Variants in RASD2 observed in about 807,000 individuals in gnomAD.
RASD2 encodes RASD family member 2.
RASD2 carries 7 observed loss-of-function variants against 15.8 expected under a neutral mutation model. The ratio of observed to expected loss-of-function variants is 0.44; its 90% confidence interval spans 0.25 to 0.83. The LOEUF (loss-of-function observed/expected upper bound fraction) is 0.83, where lower values mean the gene tolerates loss of function less well. RASD2 is among the 40% of genes least tolerant of loss of function. RASD2 has a pLI of 0.20. For synonymous variants in RASD2, 155 were observed against 153.6 expected (o/e 1.01, Z -0.07); for missense variants, 274 against 382.8 (o/e 0.72, Z 2.37).
chr22:35,545,010 C>T (rs1388724454), intron 1 of RASD2, among the ~76,000 whole-genome samples: 4 of 152,214 alleles, frequency 2.6e-5, no homozygotes, highest in South Asian at 2.1e-4. Flanking sequence ...CTTGTGGCTC[C>T]AGGCCTGGGG....
At chr22:35,533,896 C>T in the RASD2 span, among the ~76,000 whole-genome samples, 18 of 117,834 alleles carry the variant, frequency 1.5e-4, no homozygotes, top group East Asian at 2.8e-4. Flanking sequence ...ATGGTGATGA[C>T]GGGGATGATG....
In RASD2 at chr22:35,551,397, C is replaced by A; in HGVS notation, c.272-106C>A. The stretch of plus-strand genomic sequence containing the variant: ...AAGCAGTTATGCCGCATAACTGCTT[C>A]AGGGCACCTGTGACTCCCAGCTCTT... On this transcript the variant is annotated intron_variant, in intron 2 of 2. Transcript: ENST00000216127. The surrounding 1 kb of genome is among the most constrained non-coding windows in gnomAD (Gnocchi z 4.9). 1 of 1,174,024 alleles carries A rather than the reference C, an allele frequency of 8.5e-7. No homozygotes were observed. The highest frequency in any genetic ancestry group is 1.2e-6 in the Non-Finnish European group (1 of 819,256). The allele number at this position is 1,174,024 out of a possible 1,614,324, so 72.7% of individuals were successfully genotyped here. A position where few individuals can be genotyped will look rare whatever the true frequency, so the allele number is the denominator to read the frequency against.
chr22:35,533,078 C>T, the RASD2 span, among the ~76,000 whole-genome samples: 42 of 152,206 alleles, frequency 2.8e-4, no homozygotes, highest in Non-Finnish European at 2.5e-4. Flanking sequence ...CATATGGTTG[C>T]TCAGAAAGCC....
rs1309164572 is a variant in RASD2, at chr22:35,551,890, G to T, written c.659G>T (p.Arg220Leu). ...TTCCACCCCAGGCCCTTCTGCATGCGCCGCGTCAAGGAGATGGACGCCTAT... is the reference window on the plus strand; with the variant it reads ...TTCCACCCCAGGCCCTTCTGCATGCTCCGCGTCAAGGAGATGGACGCCTAT... ...DAFHPRPFCM[R>L]RVKEMDAYGM... The change falls in exon 3 of 3, where the codon CGC (arginine) becomes CTC (leucine). Residue 220 changes from arginine to leucine, a missense_variant. Coordinates refer to ENST00000216127, the MANE Select transcript of RASD2 (RefSeq NM_014310.4). This position sits in a 1 kb window ranked among gnomAD's most constrained non-coding sequence, Gnocchi z 4.9. 3 of 1,613,214 alleles carry T rather than the reference G, an allele frequency of 1.9e-6. No homozygotes were observed. Among genetic ancestry groups the T allele is most frequent in the African/African-American group, 2.7e-5 (2 of 74,894 alleles).
the RASD2 span, among the ~76,000 whole-genome samples, chr22:35,533,162 T>C: frequency 6.6e-6 from 1 of 152,140 alleles, no homozygotes; most frequent in Non-Finnish European, 1.5e-5. Flanking sequence ...AGGAGAGCAG[T>C]TGGTAAATGT....
At chr22:35,543,308 C>G (rs755610060) in intron 1 of RASD2, among the ~76,000 whole-genome samples, 1 of 152,154 alleles carries the variant, frequency 6.6e-6, no homozygotes, top group Non-Finnish European at 1.5e-5. Flanking sequence ...ATACCTGTGC[C>G]GCTAGGGGGT....
At chr22:35,550,280 A>G (rs1244174298) in intron 2 of RASD2, among the ~76,000 whole-genome samples, 3 of 151,370 alleles carry the variant, frequency 2.0e-5, no homozygotes, top group African/African-American at 7.3e-5. Flanking sequence ...TAAATAAATA[A>G]ATAAATAAAA....
the RASD2 span, among the ~76,000 whole-genome samples, chr22:35,533,696 G>GATGATTGTT: frequency 1.4e-5 from 2 of 140,278 alleles, no homozygotes; most frequent in African/African-American, 2.8e-5. Context: ...TGATGACAGT[G>GATGATTGTT]ATGATGGTGA....
the RASD2 span, among the ~76,000 whole-genome samples, chr22:35,535,491 T>G: frequency 6.6e-6 from 1 of 151,834 alleles, no homozygotes; most frequent in Admixed American, 6.6e-5. Context: ...GAACCCCAAG[T>G]TTCAGATATG....
chr22:35,551,350 C>T lies in RASD2; in HGVS notation c.272-153C>T, dbSNP rs529431585. Among the ~76,000 whole-genome samples the T allele has an allele frequency of 2.0e-5, 3 of 152,154 alleles. No individual in the cohort carries two copies. The highest frequency in any genetic ancestry group is 4.8e-5 in the African/African-American group (2 of 41,426). ...GCAGGGAGAATAATCGCAGCTACCC[C>T]GAAGAGTCGCTGTGTAGGTTAAAGC... On this transcript the variant is annotated intron_variant, in intron 2 of 2. Coordinates refer to ENST00000216127, the MANE Select transcript of RASD2 (RefSeq NM_014310.4). This position sits in a 1 kb window ranked among gnomAD's most constrained non-coding sequence, Gnocchi z 4.9.
rs1418107504 is a variant in RASD2, at chr22:35,546,997, G to C, written c.188G>C (p.Arg63Pro). 1 of 1,613,978 alleles carries C rather than the reference G, an allele frequency of 6.2e-7. No homozygotes were observed. The highest frequency in any genetic ancestry group is 2.2e-5 in the East Asian group (1 of 44,884). Residue 63 changes from arginine to proline, a missense_variant, in exon 2 of 3, where the codon CGC becomes CCC. Transcript: ENST00000216127. ...EDFHRKVYNI[R>P]GDMYQLDILD... ...TTCCACCGTAAGGTATACAACATCCGCGGCGACATGTACCAGCTCGACATC... is the reference window on the plus strand; with the variant it reads ...TTCCACCGTAAGGTATACAACATCCCCGGCGACATGTACCAGCTCGACATC...
upstream of RASD2, among the ~76,000 whole-genome samples, chr22:35,539,559 A>C (rs1013378682): frequency 2.6e-5 from 4 of 151,978 alleles, no homozygotes; most frequent in African/African-American, 9.7e-5. Context: ...GGTATTTAAC[A>C]CCTCTCCAAA....
At chr22:35,546,134 G>T (rs112845919) in intron 1 of RASD2, among the ~76,000 whole-genome samples, 1 of 152,132 alleles carries the variant, frequency 6.6e-6, no homozygotes, top group South Asian at 2.1e-4. Flanking sequence ...GTCATGGAGC[G>T]GAGGGAGCCC....
rs1419389692 is a variant in RASD2, at chr22:35,552,307, C to T, written c.*275C>T. ...GAGTTAGGCAGAGACTCAAGTTACA[C>T]CTTCCTCTCCTGGGGTTGGAAGAAA... On this transcript the variant is annotated 3_prime_UTR_variant, in exon 3 of 3. Coordinates refer to ENST00000216127, the MANE Select transcript of RASD2 (RefSeq NM_014310.4). The T allele has an allele frequency of 3.9e-6, 2 of 507,874 alleles. No individual in the cohort carries two copies. Among genetic ancestry groups the T allele is most frequent in the Non-Finnish European group, 3.5e-6 (1 of 285,624 alleles). The allele number at this position is 507,874 out of a possible 1,614,324, so 31.5% of individuals were successfully genotyped here. A position where few individuals can be genotyped will look rare whatever the true frequency, so the allele number is the denominator to read the frequency against.
chr22:35,548,082 T>C (rs1007916884), intron 2 of RASD2, among the ~76,000 whole-genome samples: 3 of 152,154 alleles, frequency 2.0e-5, no homozygotes, highest in Non-Finnish European at 4.4e-5. Flanking sequence ...CTCTCAGCCC[T>C]GCTGGGAAGG....
At position 35,551,846 on chromosome 22, in the gene RASD2, C is replaced by G. The variant is rs955136609; in HGVS notation, c.615C>G (p.Ser205=). 8 of 1,613,990 alleles carry G rather than the reference C, an allele frequency of 5.0e-6. No individual in the cohort carries two copies. Among genetic ancestry groups the G allele is most frequent in the African/African-American group, 2.7e-5 (2 of 74,928 alleles). ...GCCCCGCCCTGCATCGCAAGATCTC[C>G]GTGCAGTACGGTGACGCCTTCCACC... ...EMSPALHRKI[S]VQYGDAFHPR... The change falls in exon 3 of 3, where the codon TCC becomes TCG. Residue 205 remains serine (S), a synonymous_variant. Coordinates refer to ENST00000216127, the MANE Select transcript of RASD2 (RefSeq NM_014310.4). This position sits in a 1 kb window ranked among gnomAD's most constrained non-coding sequence, Gnocchi z 4.9.
the RASD2 span, among the ~76,000 whole-genome samples, chr22:35,534,554 C>T: frequency 6.6e-6 from 1 of 152,184 alleles, no homozygotes; most frequent in South Asian, 2.1e-4. Context: ...GCCTCTGGTC[C>T]ACTCCAGCTC....
At chr22:35,540,354 C>T (rs1212878187), upstream of RASD2, among the ~76,000 whole-genome samples, 1 of 150,328 alleles carries the variant, frequency 6.7e-6, no homozygotes, top group Non-Finnish European at 1.5e-5. Context: ...CGCCCGGACA[C>T]GCGGAACCGC....
intron 2 of RASD2, among the ~76,000 whole-genome samples, chr22:35,547,761 T>C (rs2281120): frequency 0.67 from 102,436 of 151,956 alleles, 35,675 homozygotes; most frequent in African/African-American, 0.76. Flanking sequence ...ACTACAGGCA[T>C]GTGCCACCAT....
Sources: gnomAD v4.1 joint callset for allele counts (sites outside exome capture counted in the v4.1 genomes callset) on GRCh38, gnomAD v4.1.1 for gene constraint, Gnocchi (gnomAD v3.1) non-coding constraint, MANE v1.5 for transcripts, NCBI Gene and HGNC (gene_info 2026-07-23, HGNC 2026-07-21) for gene names.